The following CDHR3 variants were observed in gnomAD, a reference collection of about 807,000 sequenced individuals.
CDHR3 encodes cadherin-related family member 3.
In CDHR3, 79 loss-of-function variants were observed where a neutral mutation model predicts 86.6. That is an observed-to-expected ratio of 0.91 (90% CI 0.76 to 1.10). CDHR3 has a LOEUF of 1.10. CDHR3 is among the 50% of genes least tolerant of loss of function. The probability of loss-of-function intolerance (pLI) is 0.00; values close to 1 mark genes in which losing one functional copy is unlikely to be tolerated. For missense variants in CDHR3, 1,081 were observed against 1,077.6 expected, an observed-to-expected ratio of 1.00 and a Z score of -0.04; for synonymous variants, 421 against 402.4, an observed-to-expected ratio of 1.05 and a Z score of -0.55.
At chr7:106,000,500 C>T (rs142759978) in intron 6 of CDHR3, among the ~76,000 whole-genome samples, 4 of 152,188 alleles carry the variant, frequency 2.6e-5, no homozygotes, top group Non-Finnish European at 5.9e-5. Context: ...AGGTACTATA[C>T]CCCTTTCAAA....
chr7:105,998,417 G>C (rs1029241183), intron 6 of CDHR3, among the ~76,000 whole-genome samples: 13 of 152,212 alleles, frequency 8.5e-5, no homozygotes, highest in African/African-American at 3.1e-4. Context: ...CCCTGGTGGT[G>C]ACAAATGTCA....
chr7:106,008,027 G>T (rs1834197890), intron 8 of CDHR3, among the ~76,000 whole-genome samples: 1 of 152,210 alleles, frequency 6.6e-6, no homozygotes, highest in Non-Finnish European at 1.5e-5. Flanking sequence ...AGCAGGCAAA[G>T]AGAGAGCTTG....
intron 6 of CDHR3, among the ~76,000 whole-genome samples, chr7:105,999,160 C>T (rs1015119563): frequency 6.6e-6 from 1 of 152,214 alleles, no homozygotes; most frequent in Admixed American, 6.5e-5. Context: ...CTGCATGGCA[C>T]CTAGCTTCAC....
intron 1 of CDHR3, among the ~76,000 whole-genome samples, chr7:105,974,146 A>T (rs1224974626): frequency 6.6e-6 from 1 of 152,200 alleles, no homozygotes; most frequent in African/African-American, 2.4e-5. Context: ...TCCTGGAAGA[A>T]ATGTGCTTTC....
At position 106,020,483 on chromosome 7, in the gene CDHR3, C is replaced by G. The variant is rs773342080; in HGVS notation, c.1764C>G (p.Phe588Leu). ...AAGTTGGCACAAATATTCAGAATTT[C>G]AAGCTGACATGTACCGACCTTGATT... ...DLKVGTNIQN[F>L]KLTCTDLDSS... Residue 588 changes from phenylalanine to leucine, a missense_variant, in exon 13 of 19, where the codon TTC becomes TTG. Physicochemically the swap from Phe to Leu is conservative, Grantham distance 22. Coordinates refer to ENST00000317716, the MANE Select transcript of CDHR3 (RefSeq NM_152750.5). The G allele has an allele frequency of 1.2e-6, 2 of 1,613,918 alleles. No homozygotes were observed. Among genetic ancestry groups the G allele is most frequent in the Admixed American group, 1.7e-5 (1 of 60,004 alleles).
chr7:106,024,931 G>A (rs1221402724), intron 15 of CDHR3, among the ~76,000 whole-genome samples: 1 of 152,170 alleles, frequency 6.6e-6, no homozygotes, highest in African/African-American at 2.4e-5. Context: ...AATATTTAAA[G>A]GATAGTATGG....
chr7:105,964,399 C>T (rs1427045067), intron 1 of CDHR3, among the ~76,000 whole-genome samples: 4 of 151,950 alleles, frequency 2.6e-5, no homozygotes, highest in Admixed American at 6.6e-5. Flanking sequence ...GAATTTTCCA[C>T]GTTTGAAAAA....
At chr7:106,008,034 C>G (rs994103417) in intron 8 of CDHR3, among the ~76,000 whole-genome samples, 2 of 152,162 alleles carry the variant, frequency 1.3e-5, no homozygotes, top group East Asian at 1.9e-4. Context: ...AAAGAGAGAG[C>G]TTGTGCAGGG....
chr7:106,007,007 C>T (rs1834025204), intron 8 of CDHR3, among the ~76,000 whole-genome samples: 1 of 152,244 alleles, frequency 6.6e-6, no homozygotes, highest in Non-Finnish European at 1.5e-5. Flanking sequence ...TCTCAAACCT[C>T]AATTCTTGAC....
intron 7 of CDHR3, among the ~76,000 whole-genome samples, chr7:106,003,259 T>C (rs1228445152): frequency 6.6e-6 from 1 of 152,190 alleles, no homozygotes; most frequent in African/African-American, 2.4e-5. Flanking sequence ...CACCATTTAA[T>C]TGCTCAATAA....
chr7:105,974,130 A>C (rs2115636147), intron 1 of CDHR3, among the ~76,000 whole-genome samples: 1 of 152,316 alleles, frequency 6.6e-6, no homozygotes, highest in South Asian at 2.1e-4. Flanking sequence ...AATGGTCCCA[A>C]GGCTTTCCTG....
At chr7:106,022,539 G>T (rs1383831062) in intron 14 of CDHR3, 91 bp downstream of exon 14, 1 of 1,522,584 alleles carries the variant, frequency 6.6e-7, no homozygotes, top group Non-Finnish European at 8.9e-7. Flanking sequence ...TATGTGGGGT[G>T]GACTGAAGAG....
intron 8 of CDHR3, 61 bp from the exon 9 acceptor site, chr7:106,012,799 T>G: frequency 5.1e-5 from 77 of 1,518,040 alleles, no homozygotes; most frequent in Non-Finnish European, 6.3e-5. Flanking sequence ...AGGGCCCATG[T>G]GAGAAGGAAC....
At position 106,028,692 on chromosome 7, in the gene CDHR3, G is replaced by A. The variant is rs1563311404; in HGVS notation, c.2304+110G>A. On this transcript the variant is annotated intron_variant, in intron 17 of 18. Transcript: ENST00000317716. Reference sequence around the variant, plus strand: ...CTTGTGGGCATGTTTATCATTCAGGGAGGTGCTTGTGTTTGGCTACTGGAA... The same window carrying A: ...CTTGTGGGCATGTTTATCATTCAGGAAGGTGCTTGTGTTTGGCTACTGGAA... 4 of 1,206,356 alleles carry A rather than the reference G, an allele frequency of 3.3e-6. No individual in the cohort carries two copies. The East Asian group carries it at 7.3e-5, about 22-fold the overall frequency. The allele number at this position is 1,206,356 out of a possible 1,614,324, so 74.7% of individuals were successfully genotyped here.
intron 17 of CDHR3, among the ~76,000 whole-genome samples, chr7:106,029,832 T>C (rs1198917551): frequency 6.6e-6 from 1 of 152,222 alleles, no homozygotes; most frequent in Non-Finnish European, 1.5e-5. Flanking sequence ...GTCTCAGGTC[T>C]CCTGGGTCTT....
At chr7:105,990,390 C>T (rs1230899202) in intron 4 of CDHR3, among the ~76,000 whole-genome samples, 1 of 152,156 alleles carries the variant, frequency 6.6e-6, no homozygotes, top group Non-Finnish European at 1.5e-5. Context: ...CTTCTAGGCA[C>T]TCTTCCTCCT....
rs10246015 is a variant in CDHR3, at chr7:105,998,348, C to A, written c.713+1994C>A. On this transcript the variant is annotated intron_variant, in intron 6 of 18. Transcript: ENST00000317716. ...ATCTTTACTATTTGTTAAACGCATG[C>A]AATTAACACAACCAAAGCAAGTCCT... Among the ~76,000 whole-genome samples the A allele has an allele frequency of 2.0e-3, 302 of 152,316 alleles. 1 individual carries two copies. The highest frequency in any genetic ancestry group is 6.9e-3 in the African/African-American group (288 of 41,562).
At chr7:105,980,570 C>T (rs1187440637) in intron 2 of CDHR3, among the ~76,000 whole-genome samples, 4 of 146,356 alleles carry the variant, frequency 2.7e-5, no homozygotes, top group African/African-American at 5.0e-5. Flanking sequence ...GGAGCCTACC[C>T]CCAAGTAGTG....
intron 12 of CDHR3, among the ~76,000 whole-genome samples, chr7:106,019,465 G>C (rs112269056): frequency 6.6e-6 from 1 of 151,360 alleles, no homozygotes; most frequent in Non-Finnish European, 1.5e-5. Context: ...ATTTATTCCC[G>C]GGCTCAGAAA....
Sources: gnomAD v4.1 joint callset for allele counts (sites outside exome capture counted in the v4.1 genomes callset) on GRCh38, gnomAD v4.1.1 for gene constraint, MANE v1.5 for transcripts, NCBI Gene and HGNC (gene_info 2026-07-23, HGNC 2026-07-21) for gene names.